The following SNTB1 variants were observed in gnomAD, a reference collection of about 807,000 sequenced individuals.
SNTB1 encodes beta-1-syntrophin.
SNTB1 carries 36 observed loss-of-function variants against 48.9 expected under a neutral mutation model. That is an observed-to-expected ratio of 0.74 (90% CI 0.56 to 0.97). The LOEUF (loss-of-function observed/expected upper bound fraction) is 0.97, where lower values mean the gene tolerates loss of function less well. SNTB1 is among the 50% of genes least tolerant of loss of function. SNTB1 has a pLI of 0.00. For missense variants in SNTB1, 786 were observed against 703.4 expected (o/e 1.12, Z -1.33); for synonymous variants, 299 against 294.6 (o/e 1.01, Z -0.15).
intron 1 of SNTB1, among the ~76,000 whole-genome samples, chr8:120,809,003 A>C (rs1040876980): frequency 5.3e-5 from 8 of 152,182 alleles, no homozygotes; most frequent in Admixed American, 3.3e-4. Flanking sequence ...CCTATGTAGA[A>C]ACTCTGGAAT....
At chr8:120,632,130 GA>G (rs963456327) in intron 3 of SNTB1, among the ~76,000 whole-genome samples, 8 of 152,164 alleles carry the variant, frequency 5.3e-5, no homozygotes, top group Admixed American at 3.9e-4. Context: ...TTCTGAGTTT[GA>G]GTTATTTTCC....
intron 2 of SNTB1, chr8:120,655,021 G>A (rs1297764309): frequency 2.2e-6 from 1 of 455,530 alleles, no homozygotes; most frequent in Admixed American, 2.4e-5. Context: ...CCTCAAATCT[G>A]TGATTCCTAT....
rs1820444833 is a variant in SNTB1 at position 120,811,880 on chromosome 8, A to G, written c.-37T>C. 3 of 1,305,406 alleles carry G rather than the reference A, an allele frequency of 2.3e-6. No homozygotes were observed. Among genetic ancestry groups the G allele is most frequent in the East Asian group, 3.2e-5 (1 of 31,230 alleles). 80.9% of individuals were successfully genotyped at this position (1,305,406 alleles called of 1,614,324 possible). On this transcript the variant is annotated 5_prime_UTR_variant, in exon 1 of 7. Transcript: ENST00000517992. ...TCTTAAAATGCCATGTGATTGGAAA[A>G]GGGGGGAAAAGTGGGGAAGGGTGGC...
chr8:120,716,178 G>A (rs1003754271), intron 1 of SNTB1, among the ~76,000 whole-genome samples: 2 of 151,770 alleles, frequency 1.3e-5, no homozygotes, highest in South Asian at 2.1e-4. Context: ...ATACATAAAT[G>A]AATGAATGAA....
chr8:120,802,673 C>T (rs1180249702), intron 1 of SNTB1, among the ~76,000 whole-genome samples: 1 of 152,012 alleles, frequency 6.6e-6, no homozygotes, highest in Non-Finnish European at 1.5e-5. Context: ...GTAACTGATA[C>T]AATTGAATGC....
At chr8:120,794,530 G>A (rs1423736933) in intron 1 of SNTB1, among the ~76,000 whole-genome samples, 3 of 151,916 alleles carry the variant, frequency 2.0e-5, no homozygotes, top group Non-Finnish European at 4.4e-5. Flanking sequence ...TATGTACTAT[G>A]AGGTGCAAGG....
Position 120,721,148 on chromosome 8 carries a change from T to C in SNTB1, c.572-27240A>G, listed in dbSNP as rs117503035. On this transcript the variant is annotated intron_variant, in intron 1 of 6. Transcript: ENST00000517992. ...AGGGTGTCATGGAACCCTAGACTTC[T>C]ATAAAGTATGCTTTAAGGGATTATA... Among the ~76,000 whole-genome samples the C allele has an allele frequency of 9.9e-3, 1,513 of 152,342 alleles. 12 individuals are homozygous for C. Among genetic ancestry groups the C allele is most frequent in the South Asian group, 0.016 (77 of 4,830 alleles).
intron 4 of SNTB1, among the ~76,000 whole-genome samples, chr8:120,563,537 T>C (rs1380864736): frequency 6.6e-6 from 1 of 152,138 alleles, no homozygotes; most frequent in Non-Finnish European, 1.5e-5. Context: ...ACCAGGAACA[T>C]GTTGTGAGCA....
intron 4 of SNTB1, among the ~76,000 whole-genome samples, chr8:120,554,701 T>C (rs946027175): frequency 4.6e-5 from 7 of 152,314 alleles, no homozygotes; most frequent in African/African-American, 1.7e-4. Context: ...TAACACCTAA[T>C]GCCCGCAGGC....
chr8:120,643,345 T>C (rs752298877), intron 2 of SNTB1, among the ~76,000 whole-genome samples: 8 of 152,254 alleles, frequency 5.3e-5, no homozygotes, highest in Admixed American at 1.3e-4. Flanking sequence ...TTAGTGGTGA[T>C]GTCTGAGATT....
chr8:120,690,073 C>CA (rs11418951), intron 2 of SNTB1, among the ~76,000 whole-genome samples: 39,354 of 151,778 alleles, frequency 0.26, 5,555 homozygotes, highest in Middle Eastern at 0.37. Context: ...AACTGCAGCC[C>CA]AAAATAAGTA....
At chr8:120,722,315 C>T (rs1431161388) in intron 1 of SNTB1, among the ~76,000 whole-genome samples, 3 of 152,294 alleles carry the variant, frequency 2.0e-5, no homozygotes, top group African/African-American at 7.2e-5. Flanking sequence ...CTTGAGGAAT[C>T]GCCACACTGT....
intron 2 of SNTB1, among the ~76,000 whole-genome samples, chr8:120,685,592 C>T (rs1818017253): frequency 6.6e-6 from 1 of 152,222 alleles, no homozygotes; most frequent in South Asian, 2.1e-4. Context: ...CAAATGCCTT[C>T]AGGGTCATTC....
chr8:120,780,872 A>G (rs1458977544), intron 1 of SNTB1, among the ~76,000 whole-genome samples: 1 of 152,226 alleles, frequency 6.6e-6, no homozygotes, highest in Non-Finnish European at 1.5e-5. Context: ...AACATACAAT[A>G]TTTTAAGTTC....
chr8:120,811,942 G>C lies in SNTB1; in HGVS notation c.-99C>G. On this transcript the variant is annotated 5_prime_UTR_variant, in exon 1 of 7. Transcript: ENST00000517992. ...CGCGGGGCCCGGGGGAGCGAGGAGA[G>C]TGCGTCCCGCGGGGAGGTGGCGGCA... 2.4e-6 allele frequency: 3 copies of C among 1,274,634 alleles called. No individual in the cohort carries two copies. Among genetic ancestry groups the C allele is most frequent in the South Asian group, 2.8e-5 (1 of 36,344 alleles). The allele number at this position is 1,274,634 out of a possible 1,614,324, so 79.0% of individuals were successfully genotyped here.
intron 1 of SNTB1, among the ~76,000 whole-genome samples, chr8:120,697,288 A>C (rs1324146076): frequency 6.6e-6 from 1 of 152,240 alleles, no homozygotes; most frequent in African/African-American, 2.4e-5. Flanking sequence ...ATTGGGAGTA[A>C]TATTCTGCAT....
intron 1 of SNTB1, among the ~76,000 whole-genome samples, chr8:120,752,870 T>C (rs994470793): frequency 2.0e-5 from 3 of 150,954 alleles, no homozygotes; most frequent in Non-Finnish European, 4.4e-5. Context: ...ACCTATTGGG[T>C]ACTATACTCG....
At chr8:120,741,558 G>A (rs916676398) in intron 1 of SNTB1, among the ~76,000 whole-genome samples, 13 of 152,162 alleles carry the variant, frequency 8.5e-5, no homozygotes, top group African/African-American at 3.1e-4. Context: ...GCAGTGAGCC[G>A]AGGTCACGCC....
At chr8:120,546,640 T>C (rs1815385311) in intron 5 of SNTB1, among the ~76,000 whole-genome samples, 1 of 152,074 alleles carries the variant, frequency 6.6e-6, no homozygotes, top group Admixed American at 6.5e-5. Flanking sequence ...TGGCTAATTT[T>C]TGTATTTTTA....
Sources: gnomAD v4.1 joint callset for allele counts (sites outside exome capture counted in the v4.1 genomes callset) on GRCh38, gnomAD v4.1.1 for gene constraint, MANE v1.5 for transcripts, NCBI Gene and HGNC (gene_info 2026-07-23, HGNC 2026-07-21) for gene names.